The following SLC1A6 variants were observed in gnomAD, a reference collection of about 807,000 sequenced individuals.
SLC1A6 encodes the protein excitatory amino acid transporter 4.
In SLC1A6, 15 loss-of-function variants were observed where a neutral mutation model predicts 42.1. The observed-to-expected ratio is 0.36, with a 90% CI of 0.24 to 0.55. The LOEUF is 0.55. Among genes scored for constraint, SLC1A6 ranks in the 20% least tolerant of loss-of-function variants. The probability of loss-of-function intolerance (pLI) is 0.88; values close to 1 mark genes in which losing one functional copy is unlikely to be tolerated. For synonymous variants in SLC1A6, 317 were observed against 319.7 expected, an observed-to-expected ratio of 0.99 and a Z score of 0.09; for missense variants, 542 against 772.5, an observed-to-expected ratio of 0.70 and a Z score of 3.54.
intron 1 of SLC1A6, among the ~76,000 whole-genome samples, chr19:14,998,614 A>G (rs1394692366): frequency 1.3e-5 from 2 of 152,274 alleles, no homozygotes; most frequent in East Asian, 3.9e-4. Flanking sequence ...TTGTAGCAAT[A>G]AGACACCAAA....
intron 3 of SLC1A6, 117 bp downstream of exon 3, chr19:14,971,620 C>A: frequency 9.8e-7 from 1 of 1,018,456 alleles, no homozygotes; most frequent in Non-Finnish European, 1.5e-6. Flanking sequence ...ACACAGGCTC[C>A]ATGTTTGAGG....
chr19:14,988,701 G>A (rs914992308), intron 1 of SLC1A6, among the ~76,000 whole-genome samples: 2 of 152,150 alleles, frequency 1.3e-5, no homozygotes, highest in African/African-American at 2.4e-5. Flanking sequence ...ATTATCTTAA[G>A]CGAAATAACT....
At chr19:14,980,336 T>A (rs1346130802), upstream of SLC1A6, 1 of 152,210 alleles carries the variant, frequency 6.6e-6, no homozygotes, top group East Asian at 1.9e-4. Flanking sequence ...TCGTTCCTAT[T>A]GTAATTAATA....
chr19:14,952,995 T>C lies in SLC1A6; in HGVS notation c.1432A>G (p.Ile478Val). 3.1e-6 allele frequency: 5 copies of C among 1,613,862 alleles called. No individual in the cohort carries two copies. Among genetic ancestry groups the C allele is most frequent in the Non-Finnish European group, 4.2e-6 (5 of 1,179,960 alleles). ...IPQAGLVTMV[I>V]VLTSVGLPTE... ...GGCAAGCCGACCGACGTAAGCACAA[T>C]GACCATGGTGACCAGACCCGCCTGG... is the stretch of plus-strand genomic sequence containing the variant. The change falls in exon 9 of 10, where the codon ATT becomes GTT. Residue 478 changes from isoleucine to valine, a missense_variant. Physicochemically the swap from Ile to Val is conservative, Grantham distance 29. Around this residue, in one of 6 missense-constraint regions of SLC1A6, gnomAD observed 54 missense variants for 125.1 expected, o/e 0.43. Coordinates refer to ENST00000594383, the MANE Select transcript of SLC1A6 (RefSeq NM_005071.3).
chr19:15,009,107 G>A (rs1273414072), intron 1 of SLC1A6, among the ~76,000 whole-genome samples: 1 of 114,664 alleles, frequency 8.7e-6, no homozygotes, highest in Admixed American at 9.1e-5. Flanking sequence ...CCTATAAATA[G>A]CATATCTATC....
intron 1 of SLC1A6, among the ~76,000 whole-genome samples, chr19:14,985,573 G>GT (rs2045788904): frequency 6.6e-6 from 1 of 152,166 alleles, no homozygotes; most frequent in African/African-American, 2.4e-5. Context: ...AGAAACAGAT[G>GT]CCAGTGCCAT....
At chr19:15,001,295 G>T (rs2145241016) in intron 1 of SLC1A6, among the ~76,000 whole-genome samples, 1 of 152,286 alleles carries the variant, frequency 6.6e-6, no homozygotes, top group African/African-American at 2.4e-5. Context: ...AGGAGGGATG[G>T]CGTATAGCCC....
intron 1 of SLC1A6, among the ~76,000 whole-genome samples, chr19:14,995,671 A>G (rs1296192961): frequency 2.6e-5 from 4 of 152,218 alleles, no homozygotes; most frequent in African/African-American, 2.4e-5. Context: ...TACATGATAT[A>G]CAGATACAAT....
At chr19:14,978,318 C>G (rs1039341076) in intron 1 of SLC1A6, 1 of 152,172 alleles carries the variant, frequency 6.6e-6, no homozygotes, top group Non-Finnish European at 1.5e-5. Flanking sequence ...AAAATGCTTT[C>G]TGTACATTTT....
intron 1 of SLC1A6, among the ~76,000 whole-genome samples, chr19:14,993,907 G>T (rs1381277260): frequency 6.6e-6 from 1 of 152,000 alleles, no homozygotes; most frequent in Non-Finnish European, 1.5e-5. Context: ...TAAGATGCTT[G>T]GGTGCAGGTG....
rs3803928 is a variant in SLC1A6 at position 14,964,548 on chromosome 19, T to A, written c.549-187A>T. Among the ~76,000 whole-genome samples the A allele has an allele frequency of 3.6e-4, 55 of 151,970 alleles. No homozygotes were observed. In the East Asian group the frequency reaches 7.5e-3, roughly 21 times the overall value. On this transcript the variant is annotated intron_variant, in intron 4 of 9. Transcript: ENST00000594383. The stretch of plus-strand genomic sequence containing the variant: ...ACACTACAATAACCCTAGACATGAG[T>A]CCTATTGAATGCCGCCTTTCACATA...
At chr19:15,009,604 G>A (rs369474011) in intron 1 of SLC1A6, among the ~76,000 whole-genome samples, 3 of 152,048 alleles carry the variant, frequency 2.0e-5, no homozygotes, top group Admixed American at 6.6e-5. Flanking sequence ...GGAGGCTCCC[G>A]TAGGTAGGAG....
chr19:15,003,232 C>T (rs909804558), intron 1 of SLC1A6, among the ~76,000 whole-genome samples: 1 of 152,286 alleles, frequency 6.6e-6, no homozygotes, highest in African/African-American at 2.4e-5. Flanking sequence ...CCTACCTCAG[C>T]CTCCCAAAGT....
intron 1 of SLC1A6, among the ~76,000 whole-genome samples, chr19:14,989,754 GGGGGT>G (rs147964296): frequency 2.4e-4 from 8 of 32,800 alleles, no homozygotes; most frequent in Non-Finnish European, 3.7e-4. Flanking sequence ...TGGGGTGGCG[GGGGGT>G]GGGGTGTGGA....
Position 14,950,392 on chromosome 19 carries a change from T to A in SLC1A6, c.1500-2A>T. 1.9e-6 allele frequency: 3 copies of A among 1,570,140 alleles called. No individual in the cohort carries two copies. Among genetic ancestry groups the A allele is most frequent in the Non-Finnish European group, 2.6e-6 (3 of 1,151,276 alleles). On this transcript the variant is annotated splice_acceptor_variant, in intron 9 of 9. Coordinates refer to ENST00000594383, the MANE Select transcript of SLC1A6 (RefSeq NM_005071.3). LOFTEE classifies it high-confidence loss of function. Reference sequence around the variant, plus strand: ...TTGGTCATTGTGCGAAGCCGGTCACTGGTACAGGGGAGAAAGAAGCTGCCA... The same window carrying A: ...TTGGTCATTGTGCGAAGCCGGTCACAGGTACAGGGGAGAAAGAAGCTGCCA...
chr19:14,986,272 C>A (rs2045792169), intron 1 of SLC1A6, among the ~76,000 whole-genome samples: 3 of 151,952 alleles, frequency 2.0e-5, no homozygotes, highest in African/African-American at 7.2e-5. Flanking sequence ...AATCCCAGCA[C>A]TTTGGGAGGC....
intron 1 of SLC1A6, among the ~76,000 whole-genome samples, chr19:14,990,794 A>AC (rs200646062): frequency 0.21 from 32,264 of 151,524 alleles, 4,056 homozygotes; most frequent in East Asian, 0.33. Context: ...AACAAAAAAA[A>AC]AAAAAAACGA....
At chr19:14,991,545 C>T (rs2045819997) in intron 1 of SLC1A6, among the ~76,000 whole-genome samples, 1 of 151,556 alleles carries the variant, frequency 6.6e-6, no homozygotes, top group Non-Finnish European at 1.5e-5. Context: ...TTGCTTGAAC[C>T]CGGGAGGAGG....
chr19:14,969,047 C>T (rs931331230), intron 3 of SLC1A6, among the ~76,000 whole-genome samples: 3 of 152,046 alleles, frequency 2.0e-5, no homozygotes, highest in Non-Finnish European at 4.4e-5. Context: ...ACCATGTTGG[C>T]CAGGCTGGTC....
Sources: gnomAD v4.1 joint callset for allele counts (sites outside exome capture counted in the v4.1 genomes callset) on GRCh38, gnomAD v4.1.1 for gene constraint, gnomAD v4.1.1 regional missense constraint, MANE v1.5 for transcripts, NCBI Gene and HGNC (gene_info 2026-07-23, HGNC 2026-07-21) for gene names.